Variants in SCARA3 observed in about 807,000 individuals in gnomAD.
SCARA3 encodes the protein cellular stress response gene protein.
A neutral mutation model predicts 47.0 loss-of-function variants in SCARA3; 39 were observed. The observed-to-expected ratio is 0.83, with a 90% CI of 0.64 to 1.08. SCARA3 has a LOEUF of 1.08. SCARA3 is among the 50% of genes least tolerant of loss of function. SCARA3 has a pLI of 0.00. For missense variants in SCARA3, 724 were observed against 792.3 expected, an observed-to-expected ratio of 0.91 and a Z score of 1.04; for synonymous variants, 356 against 334.1, an observed-to-expected ratio of 1.07 and a Z score of -0.71.
chr8:27,682,676 C>T, the SCARA3 span, among the ~76,000 whole-genome samples: 1 of 152,136 alleles, frequency 6.6e-6, no homozygotes. Flanking sequence ...ATTAAAACCA[C>T]TACACTCATA....
At chr8:27,691,419 G>A in the SCARA3 span, among the ~76,000 whole-genome samples, 9 of 151,932 alleles carry the variant, frequency 5.9e-5, no homozygotes, top group Non-Finnish European at 1.3e-4. Flanking sequence ...TGCTTGTCAT[G>A]ACATCATGTT....
At chr8:27,666,281 A>G (rs1802012817) in intron 5 of SCARA3, among the ~76,000 whole-genome samples, 1 of 152,108 alleles carries the variant, frequency 6.6e-6, no homozygotes, top group African/African-American at 2.4e-5. Flanking sequence ...CAAATCCACA[A>G]ATGCCTGGAG....
At position 27,659,178 on chromosome 8, in the gene SCARA3, G is replaced by C. The variant is rs950205320; in HGVS notation, c.1008G>C (p.Gln336His). Residue 336 changes from glutamine to histidine, a missense_variant, in exon 5 of 6, where the codon CAG (glutamine) becomes CAC (histidine). By Grantham distance (24) the Gln-to-His change is conservative (BLOSUM62 0). Coordinates refer to ENST00000301904, the MANE Select transcript of SCARA3 (RefSeq NM_016240.3). ...TTCAGTACCATACCCACTACGCCCA[G>C]AACCGCACTGTGGAGAGGTTTGAGT... ...HDLQYHTHYA[Q>H]NRTVERFESL... is the part of the protein sequence containing the mutation. The C allele has an allele frequency of 5.6e-6, 9 of 1,614,124 alleles. No homozygotes were observed. The highest frequency in any genetic ancestry group is 6.8e-6 in the Non-Finnish European group (8 of 1,180,014).
At chr8:27,663,339 A>C (rs1801952118) in intron 5 of SCARA3, among the ~76,000 whole-genome samples, 2 of 152,170 alleles carry the variant, frequency 1.3e-5, no homozygotes, top group African/African-American at 4.8e-5. Context: ...CCATCAACTG[A>C]TCATTTAGAA....
At chr8:27,649,501 C>G (rs1242851892) in intron 1 of SCARA3, among the ~76,000 whole-genome samples, 1 of 152,210 alleles carries the variant, frequency 6.6e-6, no homozygotes, top group Admixed American at 6.5e-5. Context: ...TCTCCTCACC[C>G]AGAGGGGTGG....
At chr8:27,701,884 G>A in the SCARA3 span, 1 of 154,300 alleles carries the variant, frequency 6.5e-6, no homozygotes, top group African/African-American at 2.4e-5. Context: ...GCTAAGGGAT[G>A]TTCAGTGCTA....
chr8:27,671,957 C>T lies in SCARA3; in HGVS notation c.*606C>T, dbSNP rs765242620. On this transcript the variant is annotated 3_prime_UTR_variant, in exon 6 of 6. Coordinates refer to ENST00000301904, the MANE Select transcript of SCARA3 (RefSeq NM_016240.3). ...GAGGCAGCTACCTCGGGAGGAAGGT[C>T]TCACATCTGTCTCTGGGCACCCATG... 101 of 985,292 alleles carry T rather than the reference C, an allele frequency of 1.0e-4. No individual in the cohort carries two copies. Among genetic ancestry groups the T allele is most frequent in the Non-Finnish European group, 1.1e-4 (94 of 829,962 alleles). The allele number at this position is 985,292 out of a possible 1,614,324, so 61.0% of individuals were successfully genotyped here.
intron 5 of SCARA3, among the ~76,000 whole-genome samples, chr8:27,669,109 T>TG (rs1171615630): frequency 6.6e-6 from 1 of 151,450 alleles, no homozygotes; most frequent in Admixed American, 6.6e-5. Context: ...GGACAAGCCC[T>TG]GGGGGAGAAG....
At chr8:27,669,912 C>A (rs1310778274) in intron 5 of SCARA3, among the ~76,000 whole-genome samples, 1 of 152,168 alleles carries the variant, frequency 6.6e-6, no homozygotes, top group Admixed American at 6.5e-5. Context: ...GCTCCCAGCT[C>A]CCAGCATGCA....
chr8:27,667,373 A>G (rs1166668597), intron 5 of SCARA3, among the ~76,000 whole-genome samples: 1 of 152,188 alleles, frequency 6.6e-6, no homozygotes. Context: ...ACTCTTTAGA[A>G]AAAGGCTCTG....
At chr8:27,708,578 A>G in the SCARA3 span, among the ~76,000 whole-genome samples, 1 of 152,188 alleles carries the variant, frequency 6.6e-6, no homozygotes, top group African/African-American at 2.4e-5. Flanking sequence ...TAAGCATAAT[A>G]TTATAGAGAT....
chr8:27,683,963 G>A, the SCARA3 span, among the ~76,000 whole-genome samples: 9 of 152,274 alleles, frequency 5.9e-5, no homozygotes, highest in Non-Finnish European at 1.0e-4. Flanking sequence ...CGTATAGTAT[G>A]ATTCCATTTA....
chr8:27,658,808 G>A lies in SCARA3; in HGVS notation c.638G>A (p.Cys213Tyr). 1 of 1,614,104 alleles carries A rather than the reference G, an allele frequency of 6.2e-7. No homozygotes were observed. Residue 213 changes from cysteine to tyrosine, a missense_variant, in exon 5 of 6, where the codon TGC becomes TAC. Transcript: ENST00000301904. ...DLSLKDLTQE[C>Y]YDVKAAVHQI... Reference sequence around the variant, plus strand: ...TCTCTGAAGGACCTCACCCAGGAGTGCTACGATGTCAAGGCTGCAGTGCAC... The same window carrying A: ...TCTCTGAAGGACCTCACCCAGGAGTACTACGATGTCAAGGCTGCAGTGCAC...
intron 2 of SCARA3, among the ~76,000 whole-genome samples, chr8:27,650,307 T>C (rs1431566849): frequency 6.6e-6 from 1 of 152,164 alleles, no homozygotes; most frequent in East Asian, 1.9e-4. Flanking sequence ...AAATCAAAGC[T>C]TGACACAAGT....
At chr8:27,690,911 A>G in the SCARA3 span, among the ~76,000 whole-genome samples, 3 of 152,176 alleles carry the variant, frequency 2.0e-5, no homozygotes, top group South Asian at 6.2e-4. Flanking sequence ...TCAACCTTCC[A>G]GCATGAAGTG....
At chr8:27,722,775 G>A in the SCARA3 span, among the ~76,000 whole-genome samples, 11 of 152,070 alleles carry the variant, frequency 7.2e-5, no homozygotes, top group Admixed American at 2.6e-4. Flanking sequence ...AGGAAACCAC[G>A]CCTTGTTTTC....
At chr8:27,648,195 T>G (rs2128917479) in intron 1 of SCARA3, among the ~76,000 whole-genome samples, 1 of 152,386 alleles carries the variant, frequency 6.6e-6, no homozygotes, top group East Asian at 1.9e-4. Flanking sequence ...CTAAGCAACA[T>G]TCTTCACTTC....
At chr8:27,644,721 A>G (rs956109285) in intron 1 of SCARA3, among the ~76,000 whole-genome samples, 4 of 151,992 alleles carry the variant, frequency 2.6e-5, no homozygotes, top group African/African-American at 9.7e-5. Flanking sequence ...CCTAGAGCCT[A>G]TCATAACATG....
intron 5 of SCARA3, among the ~76,000 whole-genome samples, chr8:27,662,090 G>C (rs1442579945): frequency 6.6e-6 from 1 of 152,168 alleles, no homozygotes; most frequent in Non-Finnish European, 1.5e-5. Flanking sequence ...CCTGGTAGCA[G>C]CATTCCTCCC....
Sources: allele counts gnomAD v4.1 joint callset (sites outside exome capture counted in the v4.1 genomes callset), GRCh38; gene constraint gnomAD v4.1.1; transcripts MANE v1.5; gene names NCBI Gene and HGNC (gene_info 2026-07-23, HGNC 2026-07-21).